EVA1C: variants seen among roughly 807,000 people sequenced by gnomAD.
The protein encoded by EVA1C is protein eva-1 homolog C.
In EVA1C, 25 loss-of-function variants were observed where a neutral mutation model predicts 45.4. The ratio of observed to expected loss-of-function variants is 0.55; its 90% CI spans 0.40 to 0.77. The LOEUF is 0.77. EVA1C is among the 30% of genes least tolerant of loss of function. The pLI is 0.00. For synonymous variants in EVA1C, 190 were observed against 221.2 expected (o/e 0.86, Z 1.25); for missense variants, 479 against 554.8 (o/e 0.86, Z 1.37).
At chr21:32,463,022 G>GT (rs930223894) in intron 3 of EVA1C, among the ~76,000 whole-genome samples, 1 of 152,144 alleles carries the variant, frequency 6.6e-6, no homozygotes, top group African/African-American at 2.4e-5. Flanking sequence ...AGCGCCACTG[G>GT]TTTAGGGTCT....
intron 4 of EVA1C, among the ~76,000 whole-genome samples, chr21:32,484,543 CAAAA>C (rs1328368423): frequency 7.8e-6 from 1 of 128,890 alleles, no homozygotes. Flanking sequence ...GACTCCATCT[CAAAA>C]AAAAAAAAAA....
chr21:32,455,800 G>T (rs2035757913), intron 2 of EVA1C, among the ~76,000 whole-genome samples: 1 of 152,220 alleles, frequency 6.6e-6, no homozygotes, highest in South Asian at 2.1e-4. Flanking sequence ...TGTGAACACA[G>T]TTCTGACGTT....
chr21:32,432,848 G>C (rs1279638075), intron 1 of EVA1C, among the ~76,000 whole-genome samples: 1 of 152,158 alleles, frequency 6.6e-6, no homozygotes, highest in Non-Finnish European at 1.5e-5. Flanking sequence ...AGCCTCCTGA[G>C]TAGCTGGGAC....
At chr21:32,442,449 G>A (rs1161765163) in intron 1 of EVA1C, among the ~76,000 whole-genome samples, 1 of 152,032 alleles carries the variant, frequency 6.6e-6, no homozygotes, top group Non-Finnish European at 1.5e-5. Flanking sequence ...GGCCTTTCCT[G>A]TACCCTCAGG....
At chr21:32,477,681 G>A (rs1342157005) in intron 4 of EVA1C, among the ~76,000 whole-genome samples, 3 of 149,522 alleles carry the variant, frequency 2.0e-5, no homozygotes, top group Non-Finnish European at 4.4e-5. Context: ...CAAAAGAACT[G>A]GTGGAGCCAT....
At chr21:32,438,596 C>T (rs558187156) in intron 1 of EVA1C, among the ~76,000 whole-genome samples, 1 of 152,060 alleles carries the variant, frequency 6.6e-6, no homozygotes, top group East Asian at 1.9e-4. Flanking sequence ...CTGCTGGGAC[C>T]ATGTGTAGTA....
intron 4 of EVA1C, among the ~76,000 whole-genome samples, chr21:32,479,058 A>G (rs2036683394): frequency 6.6e-6 from 1 of 152,252 alleles, no homozygotes; most frequent in African/African-American, 2.4e-5. Context: ...AATAGCCAAA[A>G]AGTAAAAATG....
At chr21:32,502,044 CT>C (rs1371956487) in intron 6 of EVA1C, among the ~76,000 whole-genome samples, 7 of 107,384 alleles carry the variant, frequency 6.5e-5, no homozygotes, top group African/African-American at 1.8e-4. Context: ...TTCTTTCTTT[CT>C]TTCTTTCTTC....
At chr21:32,507,867 C>T (rs952135783) in intron 7 of EVA1C, among the ~76,000 whole-genome samples, 27 of 143,392 alleles carry the variant, frequency 1.9e-4, no homozygotes, top group African/African-American at 6.5e-4. Flanking sequence ...GCGTGTGTGC[C>T]GTCATGTGTG....
rs777470526 is a variant in EVA1C at position 32,412,984 on chromosome 21, A to T, written c.131A>T (p.Lys44Ile). Residue 44 changes from lysine (K) to isoleucine (I), a missense_variant, in exon 1 of 8, where the codon AAA becomes ATA. By Grantham distance (102) the Lys-to-Ile change is moderately radical (BLOSUM62 -3). Coordinates refer to ENST00000300255, the MANE Select transcript of EVA1C (RefSeq NM_058187.5). Reference protein sequence around the residue: ...LFYCTVLVCSKEISALTDFSG... With the variant: ...LFYCTVLVCSIEISALTDFSG... ...TACTGCACTGTCCTGGTCTGCTCCA[A>T]AGAGATCTCAGCGCTCACCGACTTC... The T allele has an allele frequency of 6.7e-7, 1 of 1,487,996 alleles. No individual in the cohort carries two copies. The highest frequency in any genetic ancestry group is 2.3e-5 in the Admixed American group (1 of 43,408). 92.2% of individuals were successfully genotyped at this position (1,487,996 alleles called of 1,614,324 possible).
At chr21:32,441,692 C>T (rs1218093012) in intron 1 of EVA1C, among the ~76,000 whole-genome samples, 2 of 151,958 alleles carry the variant, frequency 1.3e-5, no homozygotes, top group Non-Finnish European at 2.9e-5. Flanking sequence ...GGAAAATCCA[C>T]TTAAAATACA....
intron 3 of EVA1C, among the ~76,000 whole-genome samples, chr21:32,460,893 A>AC (rs1555860368): frequency 2.6e-5 from 4 of 152,006 alleles, no homozygotes; most frequent in Non-Finnish European, 4.4e-5. Context: ...TTATAGGCAT[A>AC]CACCACCACA....
intron 7 of EVA1C, among the ~76,000 whole-genome samples, chr21:32,510,907 G>A (rs1229397522): frequency 6.6e-6 from 1 of 152,146 alleles, no homozygotes; most frequent in African/African-American, 2.4e-5. Context: ...AGGCATGGTA[G>A]TACATGCCTG....
intron 1 of EVA1C, among the ~76,000 whole-genome samples, chr21:32,419,944 T>C (rs1250176048): frequency 6.6e-6 from 1 of 152,166 alleles, no homozygotes; most frequent in Non-Finnish European, 1.5e-5. Flanking sequence ...ATGAAGATTT[T>C]AGTACTGGAA....
intron 7 of EVA1C, among the ~76,000 whole-genome samples, chr21:32,511,348 G>A (rs576069697): frequency 1.7e-4 from 25 of 149,276 alleles, no homozygotes; most frequent in Admixed American, 5.4e-4. Context: ...TGGGGTGGGG[G>A]GCGGAGGTTG....
intron 1 of EVA1C, among the ~76,000 whole-genome samples, chr21:32,431,348 C>G (rs1459403080): frequency 3.3e-5 from 5 of 152,210 alleles, no homozygotes; most frequent in African/African-American, 9.6e-5. Flanking sequence ...GATCAGATCT[C>G]AAAACAAGCA....
intron 1 of EVA1C, among the ~76,000 whole-genome samples, chr21:32,420,357 G>A (rs950078873): frequency 3.3e-5 from 5 of 152,070 alleles, no homozygotes; most frequent in Non-Finnish European, 5.9e-5. Context: ...GCAATAGAGC[G>A]AGACCCTGTC....
intron 5 of EVA1C, among the ~76,000 whole-genome samples, chr21:32,499,213 C>T (rs2037449366): frequency 6.6e-6 from 1 of 152,224 alleles, no homozygotes; most frequent in Non-Finnish European, 1.5e-5. Flanking sequence ...AGCCAAGAGG[C>T]AGACATGAGA....
Position 32,453,362 on chromosome 21 carries a change from G to A in EVA1C, c.211G>A (p.Asp71Asn). The part of the protein sequence containing the change: ...QNHTTYACDG[D>N]YLNLQCPRHS... Reference sequence around the variant, plus strand: ...CCACACCACCTATGCCTGTGATGGGGACTATTTGAATCTACAGTGCCCTCG... The same window carrying A: ...CCACACCACCTATGCCTGTGATGGGAACTATTTGAATCTACAGTGCCCTCG... The change falls in exon 2 of 8, where the codon GAC becomes AAC. Residue 71 changes from aspartate (D) to asparagine (N), a missense_variant. Coordinates refer to ENST00000300255, the MANE Select transcript of EVA1C (RefSeq NM_058187.5). 1 of 1,610,776 alleles carries A rather than the reference G, an allele frequency of 6.2e-7. No homozygotes were observed. Among genetic ancestry groups the A allele is most frequent in the Non-Finnish European group, 8.5e-7 (1 of 1,178,856 alleles).
Sources: allele counts gnomAD v4.1 joint callset (sites outside exome capture counted in the v4.1 genomes callset), GRCh38; gene constraint gnomAD v4.1.1; transcripts MANE v1.5; gene names NCBI Gene and HGNC (gene_info 2026-07-23, HGNC 2026-07-21).